COX15: variants seen among roughly 807,000 people sequenced by gnomAD.
The protein encoded by COX15 is cytochrome c oxidase assembly factor COX15, also known as heme A synthase COX15.
A neutral mutation model predicts 51.9 loss-of-function variants in COX15; 51 were observed. That is an observed-to-expected ratio of 0.98 (90% CI 0.78 to 1.24). The LOEUF is 1.24. Among genes scored for constraint, COX15 ranks in the 50% most tolerant of loss-of-function variants. COX15 has a pLI of 0.00. For missense variants in COX15, 420 were observed against 501.1 expected (o/e 0.84, Z 1.55); for synonymous variants, 188 against 190.5 (o/e 0.99, Z 0.11).
chr10:99,726,094 C>T (rs1042663084), intron 4 of COX15, among the ~76,000 whole-genome samples: 6 of 152,004 alleles, frequency 3.9e-5, no homozygotes, highest in Admixed American at 6.5e-5. Flanking sequence ...CCTTAAGAGG[C>T]GCTCAACTTA....
intron 7 of COX15, among the ~76,000 whole-genome samples, chr10:99,717,460 C>G (rs2036613058): frequency 6.6e-6 from 1 of 152,208 alleles, no homozygotes; most frequent in Non-Finnish European, 1.5e-5. Context: ...ATCCTCTTGC[C>G]TTAGCCTCCC....
the COX15 span, chr10:99,700,757 C>T: frequency 3.4e-6 from 2 of 591,000 alleles, no homozygotes; most frequent in Non-Finnish European, 6.0e-6. Flanking sequence ...CTAAGAGGCT[C>T]AGAAGCCACA....
chr10:99,713,574 A>G lies in COX15; in HGVS notation c.*1013T>C. 6.5e-7 allele frequency: 1 copy of G among 1,530,234 alleles called. No homozygotes were observed. The highest frequency in any genetic ancestry group is 2.0e-5 in the Admixed American group (1 of 50,780). 94.8% of individuals were successfully genotyped at this position (1,530,234 alleles called of 1,614,324 possible). A position where few individuals can be genotyped will look rare whatever the true frequency, so the allele number is the denominator to read the frequency against. On this transcript the variant is annotated 3_prime_UTR_variant, in exon 9 of 9. Transcript: ENST00000016171. ...GTCCATGCACTACACCATCAAGGCCATATTTTTCTTATTACAAAGCTGTTA... is the reference window on the plus strand; with the variant it reads ...GTCCATGCACTACACCATCAAGGCCGTATTTTTCTTATTACAAAGCTGTTA...
intron 2 of COX15, among the ~76,000 whole-genome samples, chr10:99,728,590 A>G (rs1038596325): frequency 2.0e-5 from 3 of 152,216 alleles, no homozygotes; most frequent in Non-Finnish European, 4.4e-5. Flanking sequence ...GATCTAGGCA[A>G]TGGTAATTAA....
the COX15 span, chr10:99,702,388 G>A: frequency 1.3e-6 from 1 of 756,730 alleles, no homozygotes; most frequent in Non-Finnish European, 2.0e-6. Context: ...TTAGAGGTGA[G>A]GAAGGTGAAG....
At chr10:99,695,886 A>G in the COX15 span, 2 of 1,441,942 alleles carry the variant, frequency 1.4e-6, no homozygotes, top group African/African-American at 2.8e-5. Flanking sequence ...CTCGTGTATT[A>G]GCAATGTCAT....
At chr10:99,705,252 C>G in the COX15 span, 1 of 158,518 alleles carries the variant, frequency 6.3e-6, no homozygotes, top group Non-Finnish European at 1.4e-5. Flanking sequence ...AAGAAGCCAT[C>G]ATGGGTGTGA....
intron 5 of COX15, among the ~76,000 whole-genome samples, chr10:99,721,277 C>T (rs908398349): frequency 6.6e-6 from 1 of 152,138 alleles, no homozygotes; most frequent in East Asian, 1.9e-4. Flanking sequence ...CCCTTCTACC[C>T]CATAAGTTTT....
the COX15 span, among the ~76,000 whole-genome samples, chr10:99,701,310 CAG>C: frequency 6.8e-6 from 1 of 147,656 alleles, no homozygotes; most frequent in African/African-American, 2.5e-5. Flanking sequence ...TTTTTTGAGA[CAG>C]AGTCTCACTT....
rs748479780 is a variant in COX15 at position 99,727,154 on chromosome 10, G to C, written c.396C>G (p.Ile132Met). The C allele has an allele frequency of 5.6e-6, 9 of 1,614,052 alleles. No homozygotes were observed. The highest frequency in any genetic ancestry group is 7.6e-6 in the Non-Finnish European group (9 of 1,179,918). Reference protein sequence around the residue: ...QRYQQFPEFKILNHDMTLTEF... With the variant: ...QRYQQFPEFKMLNHDMTLTEF... ...CTGTCAGTGTCATATCATGATTCAA[G>C]CTGGGTGAAATGGAAAGTCAAAAAA... The change falls in exon 4 of 9, where the codon ATC becomes ATG. Residue 132 changes from isoleucine to methionine, a missense_variant and splice_region_variant. Ile to Met is a conservative substitution (Grantham distance 10). Coordinates refer to ENST00000016171, the MANE Select transcript of COX15 (RefSeq NM_078470.6).
Position 99,714,464 on chromosome 10 carries a change from T to C in COX15, c.*123A>G. The C allele has an allele frequency of 6.4e-7, 1 of 1,556,950 alleles. No homozygotes were observed. The highest frequency in any genetic ancestry group is 8.7e-7 in the Non-Finnish European group (1 of 1,154,842). ...CTCAAAACAGGAAAAGATTTTTAAGTAAGTTGACCATTTGGAAACCACTTG... is the reference window on the plus strand; with the variant it reads ...CTCAAAACAGGAAAAGATTTTTAAGCAAGTTGACCATTTGGAAACCACTTG... On this transcript the variant is annotated 3_prime_UTR_variant, in exon 9 of 9. Transcript: ENST00000016171.
chr10:99,700,776 G>A, the COX15 span: 2 of 616,086 alleles, frequency 3.2e-6, no homozygotes, highest in East Asian at 5.4e-5. Context: ...CATCAAGCTG[G>A]CTTGGTGCTA....
At position 99,713,701 on chromosome 10, in the gene COX15, GGCCCAT is replaced by G; in HGVS notation, c.*880_*885del. On this transcript the variant is annotated 3_prime_UTR_variant, in exon 9 of 9. Coordinates refer to ENST00000016171, the MANE Select transcript of COX15 (RefSeq NM_078470.6). ...AAAAGAGGAACTAGCTGGGCGTGGT[GGCCCAT>G]GCCTGTAATCTCAGCACTTTGGGAA... 3 of 682,536 alleles carry G rather than the reference GGCCCAT, an allele frequency of 4.4e-6. No homozygotes were observed. The South Asian group carries it at 5.8e-5, about 13-fold the overall frequency. The allele number at this position is 682,536 out of a possible 1,614,324, so 42.3% of individuals were successfully genotyped here.
At chr10:99,709,527 G>T (rs533964181), downstream of COX15, 93 of 979,252 alleles carry the variant, frequency 9.5e-5, no homozygotes, top group African/African-American at 1.5e-3. Flanking sequence ...ATAATAACAG[G>T]ATTATTAGTC....
the COX15 span, chr10:99,697,689 A>G: frequency 6.2e-6 from 1 of 160,310 alleles, no homozygotes. Flanking sequence ...CAGTTGTTGT[A>G]AAGTGTTCTG....
At chr10:99,728,749 TCA>T (rs1402214221) in intron 2 of COX15, among the ~76,000 whole-genome samples, 2 of 152,186 alleles carry the variant, frequency 1.3e-5, no homozygotes, top group African/African-American at 4.8e-5. Context: ...ATGTTAAATA[TCA>T]CACAGTTATG....
chr10:99,717,509 T>C (rs2133580710), intron 7 of COX15, among the ~76,000 whole-genome samples: 1 of 151,930 alleles, frequency 6.6e-6, no homozygotes, highest in East Asian at 1.9e-4. Flanking sequence ...TTGCGCCCAG[T>C]GCTCTTATTT....
chr10:99,713,325 AT>A lies in COX15; in HGVS notation c.*1261del, dbSNP rs2036459148. 6.2e-7 allele frequency: 1 copy of A among 1,605,506 alleles called. No individual in the cohort carries two copies. The highest frequency in any genetic ancestry group is 8.5e-7 in the Non-Finnish European group (1 of 1,174,974). On this transcript the variant is annotated 3_prime_UTR_variant, in exon 9 of 9. Coordinates refer to ENST00000016171, the MANE Select transcript of COX15 (RefSeq NM_078470.6). Reference sequence around the variant, plus strand: ...GTATGTTACATTTCTAATCTGTTTAATTTCATCTCGATGGGGTCATTCTGGG... The same window carrying A: ...GTATGTTACATTTCTAATCTGTTTAATTCATCTCGATGGGGTCATTCTGGG...
At chr10:99,729,884 G>T in intron 1 of COX15, 150 bp from the exon 2 acceptor site, 1 of 819,796 alleles carries the variant, frequency 1.2e-6, no homozygotes, top group Non-Finnish European at 2.0e-6. Context: ...TACTGCATCA[G>T]CCTTCCAACT....
Sources: gnomAD v4.1 joint callset for allele counts (sites outside exome capture counted in the v4.1 genomes callset) on GRCh38, gnomAD v4.1.1 for gene constraint, MANE v1.5 for transcripts, NCBI Gene and HGNC (gene_info 2026-07-23, HGNC 2026-07-21) for gene names.